The following WDR70 variants were observed in gnomAD, a reference collection of about 807,000 sequenced individuals.
WDR70 encodes the protein WD repeat-containing protein 70.
Under a neutral mutation model 88.6 loss-of-function variants are expected in WDR70, and 53 were observed. The ratio of observed to expected loss-of-function variants is 0.60; its 90% CI spans 0.48 to 0.75. The LOEUF is 0.75. Among genes scored for constraint, WDR70 ranks in the 30% least tolerant of loss-of-function variants. WDR70 has a pLI of 0.00. For missense variants in WDR70, 610 were observed against 823.2 expected, an observed-to-expected ratio of 0.74 and a Z score of 3.17; for synonymous variants, 280 against 270.0, an observed-to-expected ratio of 1.04 and a Z score of -0.36.
chr5:37,600,269 T>G (rs770340155), intron 9 of WDR70, among the ~76,000 whole-genome samples: 16 of 152,168 alleles, frequency 1.1e-4, no homozygotes, highest in Non-Finnish European at 5.9e-5. Flanking sequence ...GGCTCACTCC[T>G]GTAATCCCAG....
intron 9 of WDR70, among the ~76,000 whole-genome samples, chr5:37,521,709 C>T (rs1581361614): frequency 1.4e-5 from 1 of 72,246 alleles, no homozygotes; most frequent in Non-Finnish European, 3.1e-5. Context: ...AGTATACACA[C>T]ACACACACAC....
intron 17 of WDR70, among the ~76,000 whole-genome samples, chr5:37,740,058 T>C (rs1748429057): frequency 6.6e-6 from 1 of 152,214 alleles, no homozygotes; most frequent in Non-Finnish European, 1.5e-5. Flanking sequence ...TAACATTTTA[T>C]CTCTTTGTAT....
At chr5:37,719,240 A>G (rs1258861757) in intron 13 of WDR70, among the ~76,000 whole-genome samples, 1 of 152,156 alleles carries the variant, frequency 6.6e-6, no homozygotes, top group Non-Finnish European at 1.5e-5. Context: ...CTATTGATAT[A>G]CTTAATTACA....
chr5:37,408,084 G>T (rs920309273), intron 5 of WDR70, among the ~76,000 whole-genome samples: 1 of 152,068 alleles, frequency 6.6e-6, no homozygotes, highest in African/African-American at 2.4e-5. Context: ...GATCTCGTCT[G>T]CGTCTGTCTT....
At chr5:37,421,520 C>T (rs955809654) in intron 5 of WDR70, among the ~76,000 whole-genome samples, 4 of 152,144 alleles carry the variant, frequency 2.6e-5, no homozygotes, top group African/African-American at 4.8e-5. Flanking sequence ...GCATTTTCTC[C>T]TTGTGAAAAT....
At chr5:37,405,739 A>G (rs1749332326) in intron 5 of WDR70, among the ~76,000 whole-genome samples, 1 of 152,130 alleles carries the variant, frequency 6.6e-6, no homozygotes, top group Admixed American at 6.6e-5. Flanking sequence ...TATTTATTTT[A>G]CCTCATCTCA....
chr5:37,393,919 C>G (rs919914882), intron 4 of WDR70, among the ~76,000 whole-genome samples: 6 of 152,042 alleles, frequency 3.9e-5, no homozygotes, highest in African/African-American at 1.2e-4. Context: ...TGAGCTCAAG[C>G]AATCCGCTCA....
At chr5:37,399,313 C>T (rs915269747) in intron 5 of WDR70, among the ~76,000 whole-genome samples, 2 of 152,068 alleles carry the variant, frequency 1.3e-5, no homozygotes, top group Non-Finnish European at 2.9e-5. Flanking sequence ...GGCATGGTGA[C>T]AGGAGGCTGA....
intron 17 of WDR70, among the ~76,000 whole-genome samples, chr5:37,747,913 T>G (rs953813045): frequency 4.6e-5 from 7 of 152,026 alleles, no homozygotes; most frequent in Admixed American, 3.3e-4. Context: ...ATAAAATACC[T>G]AGGAATACAG....
intron 6 of WDR70, among the ~76,000 whole-genome samples, chr5:37,439,808 C>T (rs111415299): frequency 2.0e-5 from 3 of 151,972 alleles, no homozygotes; most frequent in African/African-American, 7.2e-5. Flanking sequence ...TTTAGTCCCC[C>T]CGTCCCCACC....
chr5:37,690,056 A>G (rs1002175064), intron 10 of WDR70, among the ~76,000 whole-genome samples: 4 of 152,234 alleles, frequency 2.6e-5, no homozygotes, highest in African/African-American at 4.8e-5. Context: ...CGAGAAGTTC[A>G]TGACTCATGC....
intron 7 of WDR70, among the ~76,000 whole-genome samples, chr5:37,444,711 A>G (rs1397682724): frequency 1.3e-5 from 2 of 152,164 alleles, no homozygotes; most frequent in Non-Finnish European, 2.9e-5. Flanking sequence ...TTATGGTATC[A>G]TTTAACTCAA....
chr5:37,424,087 T>C (rs1750040573), intron 5 of WDR70, among the ~76,000 whole-genome samples: 1 of 139,808 alleles, frequency 7.2e-6, no homozygotes, highest in South Asian at 2.2e-4. Context: ...AAGTGGAGGT[T>C]GCAGTGAGCT....
At chr5:37,521,370 GACAA>G (rs1034822986) in intron 9 of WDR70, among the ~76,000 whole-genome samples, 6 of 152,178 alleles carry the variant, frequency 3.9e-5, no homozygotes, top group Admixed American at 1.3e-4. Flanking sequence ...GTTTTTGGGG[GACAA>G]GTGGTATTTG....
At chr5:37,728,291 T>A (rs2112708560) in intron 17 of WDR70, among the ~76,000 whole-genome samples, 1 of 145,222 alleles carries the variant, frequency 6.9e-6, no homozygotes, top group South Asian at 2.2e-4. Flanking sequence ...GAGGTTGCAG[T>A]GAGCCAGGAT....
intron 7 of WDR70, among the ~76,000 whole-genome samples, chr5:37,477,543 TG>T (rs1309356605): frequency 6.6e-6 from 1 of 152,244 alleles, no homozygotes; most frequent in Non-Finnish European, 1.5e-5. Context: ...GAGTTGCTGT[TG>T]GGCTCATCTA....
chr5:37,454,071 G>C (rs550337506), intron 7 of WDR70, among the ~76,000 whole-genome samples: 1 of 152,174 alleles, frequency 6.6e-6, no homozygotes, highest in Non-Finnish European at 1.5e-5. Context: ...TCATACAATA[G>C]TAGTGTTTCA....
At chr5:37,552,731 TCTA>T (rs371087200) in intron 9 of WDR70, among the ~76,000 whole-genome samples, 4 of 152,222 alleles carry the variant, frequency 2.6e-5, no homozygotes, top group African/African-American at 9.7e-5. Context: ...TTTAAAAATA[TCTA>T]CTATTTTGGG....
At chr5:37,505,662 A>G (rs1740537398) in intron 8 of WDR70, 7 of 809,586 alleles carry the variant, frequency 8.6e-6, no homozygotes, top group Non-Finnish European at 1.6e-5. Flanking sequence ...TTCATCTTGT[A>G]CATCTTCCTC....
Sources: allele counts gnomAD v4.1 joint callset (sites outside exome capture counted in the v4.1 genomes callset), GRCh38; gene constraint gnomAD v4.1.1; transcripts MANE v1.5; gene names NCBI Gene and HGNC (gene_info 2026-07-23, HGNC 2026-07-21).